RCL1: variants seen among roughly 807,000 people sequenced by gnomAD.
RCL1 encodes RNA terminal phosphate cyclase like 1, also known as RNA 3'-terminal phosphate cyclase-like protein.
A neutral mutation model predicts 42.4 loss-of-function variants in RCL1; 24 were observed. That is an observed-to-expected ratio of 0.57 (90% CI 0.41 to 0.80). RCL1 has a LOEUF of 0.80. Ranked by LOEUF, RCL1 falls within the 30% of genes least tolerant of loss-of-function variation. The pLI, the probability that RCL1 is intolerant of heterozygous loss-of-function variation, is 0.00. For synonymous variants in RCL1, 228 were observed against 177.3 expected, an observed-to-expected ratio of 1.29 and a Z score of -2.27; for missense variants, 578 against 467.9, an observed-to-expected ratio of 1.24 and a Z score of -2.17.
chr9:4,852,565 T>G (rs1183988709), intron 8 of RCL1, among the ~76,000 whole-genome samples: 1 of 152,166 alleles, frequency 6.6e-6, no homozygotes, highest in Admixed American at 6.5e-5. Context: ...GAAATGGTAT[T>G]TAGCATCTTG....
intron 1 of RCL1, among the ~76,000 whole-genome samples, chr9:4,801,694 A>C (rs1031289944): frequency 1.4e-5 from 2 of 146,930 alleles, no homozygotes; most frequent in Non-Finnish European, 1.5e-5. Context: ...GCCTAGCTTT[A>C]GGTGCGAGAC....
At chr9:4,828,720 T>C (rs895155322) in intron 3 of RCL1, among the ~76,000 whole-genome samples, 6 of 152,196 alleles carry the variant, frequency 3.9e-5, no homozygotes, top group Admixed American at 3.9e-4. Flanking sequence ...TTTTTTTCTA[T>C]ACTTGCTAAT....
intron 1 of RCL1, among the ~76,000 whole-genome samples, chr9:4,805,218 A>C (rs1843082354): frequency 6.6e-6 from 1 of 151,942 alleles, no homozygotes; most frequent in African/African-American, 2.4e-5. Context: ...TAAGCAAAAC[A>C]AAAAAAACAA....
rs199792372 is a variant in RCL1 at position 4,860,304 on chromosome 9, C to G, written c.*29C>G. The G allele has an allele frequency of 7.8e-5, 125 of 1,604,866 alleles. No individual in the cohort carries two copies. The highest frequency in any genetic ancestry group is 9.9e-5 in the Non-Finnish European group (116 of 1,176,732). On this transcript the variant is annotated 3_prime_UTR_variant, in exon 9 of 9. Transcript: ENST00000381750. ...CCATCACAAGATAAGGCCCCAATGC[C>G]TACAGACAAAGCAGAAGCTGCCACG...
chr9:4,799,945 G>A (rs907608554), intron 1 of RCL1, among the ~76,000 whole-genome samples: 1 of 152,126 alleles, frequency 6.6e-6, no homozygotes, highest in Non-Finnish European at 1.5e-5. Flanking sequence ...CGTTCATATG[G>A]GTTGTTGCTG....
chr9:4,802,574 A>G (rs919531642), intron 1 of RCL1, among the ~76,000 whole-genome samples: 1 of 152,208 alleles, frequency 6.6e-6, no homozygotes, highest in African/African-American at 2.4e-5. Flanking sequence ...CTGAGATGAG[A>G]AATGTTCATT....
chr9:4,847,896 A>G (rs914619869), intron 7 of RCL1, among the ~76,000 whole-genome samples: 3 of 151,928 alleles, frequency 2.0e-5, no homozygotes, highest in African/African-American at 7.3e-5. Flanking sequence ...AACCCTGCTC[A>G]TCTCTCAAGG....
At chr9:4,850,879 C>A (rs1198270442) in intron 8 of RCL1, among the ~76,000 whole-genome samples, 1 of 152,148 alleles carries the variant, frequency 6.6e-6, no homozygotes, top group Non-Finnish European at 1.5e-5. Context: ...TGCCGTTTCC[C>A]AGCCCTTGCT....
intron 3 of RCL1, chr9:4,827,330 C>T: frequency 8.7e-7 from 1 of 1,154,480 alleles, no homozygotes; most frequent in Non-Finnish European, 1.2e-6. Context: ...GTTCTGCTGG[C>T]TGTATATGTG....
At chr9:4,801,864 T>C (rs1843006588) in intron 1 of RCL1, among the ~76,000 whole-genome samples, 1 of 149,224 alleles carries the variant, frequency 6.7e-6, no homozygotes, top group Non-Finnish European at 1.5e-5. Context: ...GGGTTCTCCA[T>C]TCTGTTCCAT....
At chr9:4,846,806 A>G (rs142738393) in intron 7 of RCL1, among the ~76,000 whole-genome samples, 2 of 152,344 alleles carry the variant, frequency 1.3e-5, no homozygotes, top group Non-Finnish European at 1.5e-5. Context: ...ATCCCTATAA[A>G]TAGCAGGCTA....
At chr9:4,813,034 C>A (rs1162154355) in intron 1 of RCL1, among the ~76,000 whole-genome samples, 1 of 152,162 alleles carries the variant, frequency 6.6e-6, no homozygotes, top group Non-Finnish European at 1.5e-5. Context: ...TTAACTTCCT[C>A]CTTCCCGATT....
intron 2 of RCL1, among the ~76,000 whole-genome samples, chr9:4,825,494 C>A (rs1283866098): frequency 1.3e-5 from 2 of 152,010 alleles, no homozygotes; most frequent in East Asian, 3.9e-4. Flanking sequence ...AGAATATGGT[C>A]CTGATTGTGA....
At position 4,833,023 on chromosome 9, in the gene RCL1, T is replaced by A; in HGVS notation, c.385-131T>A. ...GGCAGAGCCAGCCCACTCGCTCAGT[T>A]ATATGCCAGCATCCTTTCTGTTTAC... On this transcript the variant is annotated intron_variant, in intron 3 of 8. Coordinates refer to ENST00000381750, the MANE Select transcript of RCL1 (RefSeq NM_005772.5). 2.3e-5 allele frequency: 15 copies of A among 656,650 alleles called. No individual in the cohort carries two copies. In the South Asian group the frequency reaches 2.3e-4, roughly 10 times the overall value. 40.7% of individuals were successfully genotyped at this position (656,650 alleles called of 1,614,324 possible). A position where few individuals can be genotyped will look rare whatever the true frequency, so the allele number is the denominator to read the frequency against.
intron 1 of RCL1, among the ~76,000 whole-genome samples, chr9:4,795,852 G>T (rs1165095429): frequency 2.6e-5 from 4 of 152,196 alleles, no homozygotes; most frequent in Non-Finnish European, 5.9e-5. Context: ...TGTAATATAT[G>T]TGAGAAGCTG....
chr9:4,815,338 A>G (rs966751338), intron 1 of RCL1, among the ~76,000 whole-genome samples: 10 of 152,144 alleles, frequency 6.6e-5, no homozygotes, highest in African/African-American at 2.4e-4. Flanking sequence ...GGTAATTTTG[A>G]AAGACTTATC....
intron 2 of RCL1, among the ~76,000 whole-genome samples, chr9:4,824,815 A>G (rs906978585): frequency 3.3e-5 from 5 of 152,238 alleles, no homozygotes; most frequent in African/African-American, 9.6e-5. Flanking sequence ...TTTGCCAGCT[A>G]TGAGTCCCTT....
At chr9:4,803,442 T>A (rs10974792) in intron 1 of RCL1, among the ~76,000 whole-genome samples, 228 of 152,302 alleles carry the variant, frequency 1.5e-3, no homozygotes, top group Non-Finnish European at 2.3e-3. Flanking sequence ...AAGGGAATTC[T>A]AGTTTTCCCT....
intron 5 of RCL1, among the ~76,000 whole-genome samples, chr9:4,838,309 G>T (rs188806414): frequency 6.6e-6 from 1 of 152,304 alleles, no homozygotes; most frequent in Non-Finnish European, 1.5e-5. Context: ...AGCTGGTGTT[G>T]GTTCCTGCCA....
Sources: gnomAD v4.1 joint callset for allele counts (sites outside exome capture counted in the v4.1 genomes callset) on GRCh38, gnomAD v4.1.1 for gene constraint, MANE v1.5 for transcripts, NCBI Gene and HGNC (gene_info 2026-07-23, HGNC 2026-07-21) for gene names.